PRDM15: variants seen among roughly 807,000 people sequenced by gnomAD.
The protein encoded by PRDM15 is PR/SET domain 15.
PRDM15 carries 64 observed loss-of-function variants against 128.6 expected under a neutral mutation model. The observed-to-expected ratio is 0.50, with a 90% CI of 0.41 to 0.61. The LOEUF (loss-of-function observed/expected upper bound fraction) is 0.61. Among genes scored for constraint, PRDM15 ranks in the 20% least tolerant of loss-of-function variants. The pLI is 0.00. For missense variants in PRDM15, 1,242 were observed against 1,569.1 expected, an observed-to-expected ratio of 0.79 and a Z score of 3.52; for synonymous variants, 615 against 621.8, an observed-to-expected ratio of 0.99 and a Z score of 0.16.
Position 41,854,593 on chromosome 21 carries a change from G to GC in PRDM15, c.510dup (p.Leu171AlafsTer30). 1 of 1,613,556 alleles carries GC rather than the reference G, an allele frequency of 6.2e-7. No homozygotes were observed. The highest frequency in any genetic ancestry group is 8.5e-7 in the Non-Finnish European group (1 of 1,179,976). On this transcript the variant is annotated frameshift_variant, in exon 5 of 24. Coordinates refer to ENST00000398548, the MANE Select transcript of PRDM15 (RefSeq NM_001040424.3). LOFTEE classifies it high-confidence loss of function. The surrounding 1 kb of genome is among the most constrained non-coding windows in gnomAD (Gnocchi z 4.6). ...TGGACGCCAGAGCCGGCCTGCTTCA[G>GC]CATGGGCTTGTCCATCTTCTTGGCA...
At chr21:41,874,593 C>T (rs1601504481) in intron 1 of PRDM15, among the ~76,000 whole-genome samples, 2 of 145,892 alleles carry the variant, frequency 1.4e-5, no homozygotes, top group Middle Eastern at 8.3e-3. Context: ...TGAAACACCC[C>T]TTCTCAAAAG....
intron 7 of PRDM15, among the ~76,000 whole-genome samples, chr21:41,838,707 T>C (rs1353099248): frequency 1.3e-5 from 2 of 152,214 alleles, no homozygotes. Context: ...CTGGGGAAAC[T>C]GGCCAGGGGG....
chr21:41,845,689 C>T (rs1196192330), intron 6 of PRDM15, among the ~76,000 whole-genome samples: 1 of 152,102 alleles, frequency 6.6e-6, no homozygotes, highest in Non-Finnish European at 1.5e-5. Context: ...GTCTTAGTCA[C>T]CATCAGCCTA....
chr21:41,806,370 C>CCA, intron 21 of PRDM15, among the ~76,000 whole-genome samples: 1 of 43,508 alleles, frequency 2.3e-5, no homozygotes, highest in Non-Finnish European at 4.6e-5. Context: ...ACCACCATCA[C>CCA]TACCACCATC....
rs2061828649 is a variant in PRDM15, at chr21:41,810,446, C to T, written c.2477-117G>A. 7.4e-6 allele frequency: 9 copies of T among 1,221,698 alleles called. No individual in the cohort carries two copies. The highest frequency in any genetic ancestry group is 2.5e-5 in the East Asian group (1 of 39,362). 75.7% of individuals were successfully genotyped at this position (1,221,698 alleles called of 1,614,324 possible). ...ACGAGGCAAGAAGCCTGTCACGCCC[C>T]GCCCATCCTGAGAGGGCCGGTGCTG... On this transcript the variant is annotated intron_variant, in intron 20 of 23. Coordinates refer to ENST00000398548, the MANE Select transcript of PRDM15 (RefSeq NM_001040424.3). The surrounding 1 kb of genome is among the most constrained non-coding windows in gnomAD (Gnocchi z 6.4).
At position 41,838,210 on chromosome 21, in the gene PRDM15, A is replaced by T. The variant is rs181536077; in HGVS notation, c.872-147T>A. On this transcript the variant is annotated intron_variant, in intron 7 of 23. Transcript: ENST00000398548. ...TGAGGTTTACAGAGGGGAAAAAAAA[A>T]ACTGTCAATATTTTGGGATCCACAC... The T allele has an allele frequency of 3.0e-5, 24 of 796,634 alleles. No homozygotes were observed. In the East Asian group the frequency reaches 6.2e-4, roughly 21 times the overall value. 49.3% of individuals were successfully genotyped at this position (796,634 alleles called of 1,614,324 possible). A position where few individuals can be genotyped will look rare whatever the true frequency, so the allele number is the denominator to read the frequency against.
chr21:41,805,174 C>T (rs1329299367), intron 21 of PRDM15, among the ~76,000 whole-genome samples: 1 of 152,246 alleles, frequency 6.6e-6, no homozygotes, highest in Admixed American at 6.5e-5. Context: ...GGCCCTCCCA[C>T]CAGCTCAGTG....
intron 7 of PRDM15, 57 bp downstream of exon 7, chr21:41,839,566 G>A (rs1001690327): frequency 8.6e-6 from 12 of 1,391,422 alleles, no homozygotes; most frequent in Admixed American, 1.8e-5. Flanking sequence ...GCCAGCCCTC[G>A]GGCGCCAGGA....
At chr21:41,815,671 G>A (rs373030952) in intron 19 of PRDM15, 34 bp downstream of exon 19, 9 of 1,608,362 alleles carry the variant, frequency 5.6e-6, no homozygotes, top group African/African-American at 2.7e-5. Context: ...CACAGTGAGC[G>A]CCGTGGCTGG....
At chr21:41,803,135 A>G (rs889175499) in intron 22 of PRDM15, 5 of 581,066 alleles carry the variant, frequency 8.6e-6, no homozygotes, top group South Asian at 2.1e-5. Context: ...AAAAAAATAC[A>G]TGCAAGTCAT....
chr21:41,847,820 G>T (rs1337556371), intron 5 of PRDM15, among the ~76,000 whole-genome samples: 1 of 152,260 alleles, frequency 6.6e-6, no homozygotes, highest in Non-Finnish European at 1.5e-5. Flanking sequence ...CGCTATCCCA[G>T]GAAGCACCTC....
rs199623810 is a variant in PRDM15, at chr21:41,838,069, C to T, written c.872-6G>A. The T allele has an allele frequency of 5.1e-5, 83 of 1,613,614 alleles. No individual in the cohort carries two copies. In the African/African-American group the frequency reaches 6.9e-4, roughly 13 times the overall value. The stretch of plus-strand genomic sequence containing the variant: ...AATGATCTCTGCCACTTGCTCTGTA[C>T]GAAGGGGATGTGACAAGCTAAGTAA... On this transcript the variant is annotated splice_region_variant and splice_polypyrimidine_tract_variant and intron_variant, in intron 7 of 23. Coordinates refer to ENST00000398548, the MANE Select transcript of PRDM15 (RefSeq NM_001040424.3).
chr21:41,823,139 A>G, intron 14 of PRDM15, 179 bp downstream of exon 14: 1 of 782,706 alleles, frequency 1.3e-6, no homozygotes, highest in Non-Finnish European at 2.1e-6. Context: ...CCAGGAAGTG[A>G]GCCTCGCCAG....
At chr21:41,804,508 A>C (rs755245021) in intron 22 of PRDM15, 26 bp downstream of exon 22, 5 of 1,545,354 alleles carry the variant, frequency 3.2e-6, no homozygotes, top group Non-Finnish European at 3.5e-6. Flanking sequence ...AAAGTTTCTG[A>C]GCCCCTGGGG....
chr21:41,801,580 G>A lies in PRDM15; in HGVS notation c.3086C>T (p.Thr1029Ile), dbSNP rs1179531664. 1.9e-6 allele frequency: 3 copies of A among 1,614,198 alleles called. No homozygotes were observed. Among genetic ancestry groups the A allele is most frequent in the Admixed American group, 1.7e-5 (1 of 60,032 alleles). Residue 1029 changes from threonine to isoleucine, a missense_variant, in exon 24 of 24, where the codon ACC (threonine) becomes ATC (isoleucine). Transcript: ENST00000398548. ...LQPVAVGHLTTPERQLQLDNS... is the reference protein window; with the variant it reads ...LQPVAVGHLTIPERQLQLDNS... ...GTCCAGCTGTAACTGGCGTTCAGGGGTGGTAAGGTGCCCCACGGCCACCGG... is the reference window on the plus strand; with the variant it reads ...GTCCAGCTGTAACTGGCGTTCAGGGATGGTAAGGTGCCCCACGGCCACCGG...
rs151294336 is a variant in PRDM15, at chr21:41,835,497, C to T, written c.1306G>A (p.Gly436Ser). 292 of 1,610,210 alleles carry T rather than the reference C, an allele frequency of 1.8e-4. 2 individuals are homozygous for T. The highest frequency in any genetic ancestry group is 1.4e-3 in the South Asian group (127 of 91,064). ...ATGCGGAAGGTCTTCTCACAAGTGC[C>T]GCAGCGGTACCTGTACTCGCCGTCC... ...EVDGEYRYRC[G>S]TCEKTFRIES... Residue 436 changes from glycine (G) to serine (S), a missense_variant, in exon 11 of 24, where the codon GGC (glycine) becomes AGC (serine). Physicochemically the swap from Gly to Ser is moderately conservative, Grantham distance 56. Around this residue, in one of 3 missense-constraint regions of PRDM15, gnomAD observed 612 missense variants for 717.0 expected, o/e 0.85. Transcript: ENST00000398548.
At chr21:41,866,600 T>C (rs2064017521) in intron 1 of PRDM15, among the ~76,000 whole-genome samples, 1 of 152,254 alleles carries the variant, frequency 6.6e-6, no homozygotes, top group Admixed American at 6.5e-5. Context: ...TGAAGAAATC[T>C]TGCAAGCCAA....
In PRDM15 at chr21:41,854,713, G is replaced by A; in HGVS notation, c.391C>T (p.Leu131=). The A allele has an allele frequency of 1.2e-6, 2 of 1,613,412 alleles. No homozygotes were observed. Among genetic ancestry groups the A allele is most frequent in the Non-Finnish European group, 1.7e-6 (2 of 1,179,956 alleles). ...RPAAEAEHQN[L]TAYQHGSDVY... is the part of the protein sequence containing the mutation. ...TCGCTGCCGTGCTGGTAGGCCGTCAGGTTCTGGTGCTCGGCCTCCGCCGCT... is the reference window on the plus strand; with the variant it reads ...TCGCTGCCGTGCTGGTAGGCCGTCAAGTTCTGGTGCTCGGCCTCCGCCGCT... Residue 131 remains leucine (L), a synonymous_variant, in exon 5 of 24, where the codon CTG becomes TTG. Coordinates refer to ENST00000398548, the MANE Select transcript of PRDM15 (RefSeq NM_001040424.3). The surrounding 1 kb of genome is among the most constrained non-coding windows in gnomAD (Gnocchi z 4.6).
Position 41,816,174 on chromosome 21 carries a change from A to G in PRDM15, c.2261-338T>C, listed in dbSNP as rs548988046. ...AATTCGGTGAGAGATAGATTAATAC[A>G]AGCATGACTAAAGGTTCCCTTCAAC... On this transcript the variant is annotated intron_variant, in intron 18 of 23. Transcript: ENST00000398548. 2.0e-4 allele frequency among the ~76,000 whole-genome samples: 31 copies of G among 152,340 alleles called. No homozygotes were observed. The East Asian group carries it at 6.0e-3, about 29-fold the overall frequency.
Sources: gnomAD v4.1 joint callset for allele counts (sites outside exome capture counted in the v4.1 genomes callset) on GRCh38, gnomAD v4.1.1 for gene constraint, gnomAD v4.1.1 regional missense constraint, Gnocchi (gnomAD v3.1) non-coding constraint, MANE v1.5 for transcripts, NCBI Gene and HGNC (gene_info 2026-07-23, HGNC 2026-07-21) for gene names.